Variants in CHCHD3 observed in about 807,000 individuals in gnomAD.
CHCHD3 encodes the protein MICOS complex subunit MIC19.
A neutral mutation model predicts 38.2 loss-of-function variants in CHCHD3; 20 were observed. That is an observed-to-expected ratio of 0.52 (90% CI 0.37 to 0.76). The LOEUF (loss-of-function observed/expected upper bound fraction) is 0.76. Among genes scored for constraint, CHCHD3 ranks in the 30% least tolerant of loss-of-function variants. CHCHD3 has a pLI of 0.00. For synonymous variants in CHCHD3, 82 were observed against 100.0 expected, an observed-to-expected ratio of 0.82 and a Z score of 1.07; for missense variants, 245 against 279.2, an observed-to-expected ratio of 0.88 and a Z score of 0.87.
chr7:132,872,621 A>G (rs898398276), intron 5 of CHCHD3, among the ~76,000 whole-genome samples: 2 of 152,212 alleles, frequency 1.3e-5, no homozygotes, highest in South Asian at 2.1e-4. Flanking sequence ...GTATCTAATC[A>G]TGCCCTGTAA....
At chr7:132,800,885 T>A (rs1037950442) in intron 6 of CHCHD3, among the ~76,000 whole-genome samples, 2 of 152,122 alleles carry the variant, frequency 1.3e-5, no homozygotes, top group Admixed American at 6.5e-5. Flanking sequence ...CAGGTTCTGA[T>A]AATGCATCCT....
chr7:132,928,889 AT>A (rs1810448350), intron 4 of CHCHD3, among the ~76,000 whole-genome samples: 1 of 151,858 alleles, frequency 6.6e-6, no homozygotes, highest in Admixed American at 6.6e-5. Flanking sequence ...TCCAAGGACT[AT>A]TTCTACCCTC....
At chr7:133,059,768 C>T (rs1393918278) in intron 2 of CHCHD3, among the ~76,000 whole-genome samples, 1 of 152,176 alleles carries the variant, frequency 6.6e-6, no homozygotes, top group African/African-American at 2.4e-5. Flanking sequence ...CCCAGTGGAA[C>T]CAACCTAAGA....
chr7:133,020,476 C>T (rs181122880), intron 3 of CHCHD3, among the ~76,000 whole-genome samples: 30 of 152,216 alleles, frequency 2.0e-4, no homozygotes, highest in Admixed American at 2.0e-3. Context: ...CTAAAAAGGG[C>T]TTCTGCATTA....
chr7:132,816,553 A>G (rs1807204624), intron 6 of CHCHD3, among the ~76,000 whole-genome samples: 1 of 152,150 alleles, frequency 6.6e-6, no homozygotes, highest in Non-Finnish European at 1.5e-5. Context: ...CCTTAATGAC[A>G]CCATCTCACA....
chr7:132,797,711 T>C (rs916222942), intron 6 of CHCHD3, among the ~76,000 whole-genome samples: 10 of 152,240 alleles, frequency 6.6e-5, no homozygotes, highest in African/African-American at 2.4e-4. Context: ...AGATTGCTTC[T>C]GTGAATATGT....
At chr7:132,998,439 G>A (rs6978054) in intron 3 of CHCHD3, among the ~76,000 whole-genome samples, 2,305 of 152,262 alleles carry the variant, frequency 0.015, 57 homozygotes, top group African/African-American at 0.052. Context: ...TGGAACTGGG[G>A]TCTCAGGTGT....
chr7:132,895,584 A>C (rs1809474931), intron 4 of CHCHD3, among the ~76,000 whole-genome samples: 1 of 152,258 alleles, frequency 6.6e-6, no homozygotes, highest in African/African-American at 2.4e-5. Context: ...CCCACTGGGA[A>C]GTAACTGAAT....
intron 6 of CHCHD3, among the ~76,000 whole-genome samples, chr7:132,807,644 T>TATATATATATATAC (rs1219596444): frequency 1.7e-5 from 2 of 120,252 alleles, no homozygotes; most frequent in Non-Finnish European, 3.4e-5. Context: ...TATATATATA[T>TATATATATATATAC]ACTTGACATA....
At chr7:133,039,124 C>G (rs910613041) in intron 2 of CHCHD3, among the ~76,000 whole-genome samples, 1 of 151,420 alleles carries the variant, frequency 6.6e-6, no homozygotes, top group African/African-American at 2.4e-5. Context: ...AAACCAATTT[C>G]TTTTTTTTTA....
chr7:132,797,225 C>T (rs1213842575), intron 6 of CHCHD3, among the ~76,000 whole-genome samples: 1 of 151,984 alleles, frequency 6.6e-6, no homozygotes, highest in Non-Finnish European at 1.5e-5. Context: ...CTGGACAAAC[C>T]CAATTCAGGG....
intron 6 of CHCHD3, among the ~76,000 whole-genome samples, chr7:132,834,282 C>G (rs1431663927): frequency 6.6e-6 from 1 of 152,214 alleles, no homozygotes; most frequent in African/African-American, 2.4e-5. Context: ...TGTACTATCA[C>G]TTCCTAGGTG....
chr7:133,065,034 A>G (rs908998267), intron 2 of CHCHD3, among the ~76,000 whole-genome samples: 3 of 152,244 alleles, frequency 2.0e-5, no homozygotes, highest in Non-Finnish European at 4.4e-5. Context: ...AAATCAAAAG[A>G]TGCAAGATGT....
chr7:132,920,077 A>T (rs1810222156), intron 4 of CHCHD3, among the ~76,000 whole-genome samples: 1 of 152,196 alleles, frequency 6.6e-6, no homozygotes, highest in Non-Finnish European at 1.5e-5. Context: ...CTATCCCTTT[A>T]TTATAACATG....
At chr7:132,855,695 T>A (rs1191575569) in intron 5 of CHCHD3, among the ~76,000 whole-genome samples, 1 of 152,120 alleles carries the variant, frequency 6.6e-6, no homozygotes, top group Admixed American at 6.6e-5. Flanking sequence ...GTATTTTATA[T>A]GCTACCAAGT....
At chr7:132,825,690 A>G (rs1043248584) in intron 6 of CHCHD3, among the ~76,000 whole-genome samples, 1 of 152,222 alleles carries the variant, frequency 6.6e-6, no homozygotes, top group Admixed American at 6.5e-5. Context: ...GCATCTGGGC[A>G]TGCAGCTTGC....
intron 2 of CHCHD3, among the ~76,000 whole-genome samples, chr7:133,068,158 T>C (rs920904154): frequency 6.6e-6 from 1 of 151,894 alleles, no homozygotes; most frequent in Non-Finnish European, 1.5e-5. Flanking sequence ...ATTTACATAA[T>C]AGAAACATTC....
chr7:133,029,943 ATCACTTTTGG>A (rs1813454284), intron 2 of CHCHD3, among the ~76,000 whole-genome samples: 1 of 152,052 alleles, frequency 6.6e-6, no homozygotes, highest in Admixed American at 6.6e-5. Flanking sequence ...GCTGGTTGAC[ATCACTTTTGG>A]TCCATAAAGG....
At chr7:132,829,980 G>T (rs934179600) in intron 6 of CHCHD3, among the ~76,000 whole-genome samples, 4 of 152,162 alleles carry the variant, frequency 2.6e-5, no homozygotes, top group Non-Finnish European at 4.4e-5. Flanking sequence ...ATGGAGTAGA[G>T]AGATAATGCA....
Sources: gnomAD v4.1 joint callset for allele counts (sites outside exome capture counted in the v4.1 genomes callset) on GRCh38, gnomAD v4.1.1 for gene constraint, MANE v1.5 for transcripts, NCBI Gene and HGNC (gene_info 2026-07-23, HGNC 2026-07-21) for gene names.